The following NFKBIL1 variants were observed in gnomAD, a reference collection of about 807,000 sequenced individuals.
NFKBIL1 encodes the protein NF-kappa-B inhibitor-like protein 1.
A neutral mutation model predicts 45.4 loss-of-function variants in NFKBIL1; 30 were observed. The observed-to-expected ratio is 0.66, with a 90% confidence interval of 0.49 to 0.90. The LOEUF is 0.90. NFKBIL1 is among the 40% of genes least tolerant of loss of function. The pLI, the probability that NFKBIL1 is intolerant of heterozygous loss-of-function variation, is 0.00. For synonymous variants in NFKBIL1, 179 were observed against 197.3 expected (o/e 0.91, Z 0.78); for missense variants, 434 against 513.4 (o/e 0.85, Z 1.49).
chr6:31,549,054 G>A (rs1218337205), intron 2 of NFKBIL1, among the ~76,000 whole-genome samples: 1 of 152,122 alleles, frequency 6.6e-6, no homozygotes, highest in African/African-American at 2.4e-5. Context: ...TAGATAGAGT[G>A]TCCATGCTTT....
intron 2 of NFKBIL1, among the ~76,000 whole-genome samples, chr6:31,556,507 G>T (rs985335090): frequency 1.3e-5 from 2 of 152,220 alleles, no homozygotes; most frequent in African/African-American, 4.8e-5. Flanking sequence ...GGCCACAGCA[G>T]GTGGGCCTGG....
intron 2 of NFKBIL1, among the ~76,000 whole-genome samples, chr6:31,550,710 A>T (rs1318517500): frequency 6.6e-6 from 1 of 151,990 alleles, no homozygotes; most frequent in Non-Finnish European, 1.5e-5. Context: ...TTTTTTTGAG[A>T]TGGAGTTTCC....
chr6:31,553,550 T>C (rs66562149), intron 2 of NFKBIL1, among the ~76,000 whole-genome samples: 6,506 of 152,312 alleles, frequency 0.043, 247 homozygotes, highest in South Asian at 0.16. Context: ...TCTGTGATGA[T>C]TTTATTTCCT....
upstream of NFKBIL1, chr6:31,547,041 C>A (rs951730021): frequency 6.2e-6 from 1 of 162,460 alleles, no homozygotes; most frequent in Non-Finnish European, 1.3e-5. Flanking sequence ...AACTAACTCT[C>A]TACCTTTCTC....
Position 31,557,744 on chromosome 6 carries a change from G to A in NFKBIL1, c.451G>A (p.Ala151Thr), listed in dbSNP as rs1169661545. Residue 151 changes from alanine (A) to threonine (T), a missense_variant, in exon 3 of 4, where the codon GCT (alanine) becomes ACT (threonine). By Grantham distance (58) the Ala-to-Thr change is moderately conservative. Around this residue, in one of 4 missense-constraint regions of NFKBIL1, gnomAD observed 231 missense variants for 264.1 expected, o/e 0.87. Coordinates refer to ENST00000376148, the MANE Select transcript of NFKBIL1 (RefSeq NM_005007.4). The surrounding 1 kb of genome is among the most constrained non-coding windows in gnomAD (Gnocchi z 5.4). The part of the protein sequence containing the change: ...ILGWGPPWDS[A>T]EEEEEDDASK... ...GGGCTGGGGACCCCCCTGGGATTCT[G>A]CTGAAGAGGAGGAAGAAGATGATGC... 6.2e-7 allele frequency: 1 copy of A among 1,612,556 alleles called. No homozygotes were observed. Among genetic ancestry groups the A allele is most frequent in the Non-Finnish European group, 8.5e-7 (1 of 1,179,076 alleles).
At chr6:31,555,739 C>T (rs1411188080) in intron 2 of NFKBIL1, among the ~76,000 whole-genome samples, 1 of 149,148 alleles carries the variant, frequency 6.7e-6, no homozygotes, top group Non-Finnish European at 1.5e-5. Context: ...CTCAACCTCC[C>T]AAGTAGCTGG....
rs1475523141 is a variant in NFKBIL1 at position 31,558,647 on chromosome 6, C to T, written c.*36C>T. ...GAAGCAAGAAACTTCGGGGCTGCAG[C>T]CTCAGGATGAGGCAGAAGGAAGGGT... On this transcript the variant is annotated 3_prime_UTR_variant, in exon 4 of 4. Transcript: ENST00000376148. This position sits in a 1 kb window ranked among gnomAD's most constrained non-coding sequence, Gnocchi z 7.2. 11 of 1,499,472 alleles carry T rather than the reference C, an allele frequency of 7.3e-6. No homozygotes were observed. Among genetic ancestry groups the T allele is most frequent in the Non-Finnish European group, 6.3e-6 (7 of 1,109,186 alleles). The allele number at this position is 1,499,472 out of a possible 1,614,324, so 92.9% of individuals were successfully genotyped here. A position where few individuals can be genotyped will look rare whatever the true frequency, so the allele number is the denominator to read the frequency against.
In NFKBIL1 at chr6:31,548,164, C is replaced by T. The variant is rs764137612; in HGVS notation, c.59C>T (p.Pro20Leu). Residue 20 changes from proline to leucine, a missense_variant and splice_region_variant, in exon 2 of 4, where the codon CCC (proline) becomes CTC (leucine). By Grantham distance (98) the Pro-to-Leu change is moderately conservative. This residue lies in a region of NFKBIL1 where 231 missense variants were observed against 264.1 expected (regional missense o/e 0.87). Transcript: ENST00000376148. Reference sequence around the variant, plus strand: ...CTGCTGCCTTTTTTCCTTCCCCAGCCCAAGAGTTCCATGGCCTCCACTTCC... The same window carrying T: ...CTGCTGCCTTTTTTCCTTCCCCAGCTCAAGAGTTCCATGGCCTCCACTTCC... Reference protein sequence around the residue: ...EEEASTSVCRPKSSMASTSRR... With the variant: ...EEEASTSVCRLKSSMASTSRR... The T allele has an allele frequency of 8.1e-6, 13 of 1,613,156 alleles. No homozygotes were observed. Among genetic ancestry groups the T allele is most frequent in the Non-Finnish European group, 1.0e-5 (12 of 1,180,052 alleles).
chr6:31,557,728 A>AC lies in NFKBIL1; in HGVS notation c.441dup (p.Trp148LeufsTer5). The AC allele has an allele frequency of 6.2e-6, 10 of 1,609,390 alleles. No individual in the cohort carries two copies. Among genetic ancestry groups the AC allele is most frequent in the East Asian group, 2.2e-5 (1 of 44,726 alleles). Reference sequence around the variant, plus strand: ...CCCCTGGCCAAATTTTGGGCTGGGGACCCCCCTGGGATTCTGCTGAAGAGG... The same window carrying AC: ...CCCCTGGCCAAATTTTGGGCTGGGGACCCCCCCTGGGATTCTGCTGAAGAGG... On this transcript the variant is annotated frameshift_variant, in exon 3 of 4. Coordinates refer to ENST00000376148, the MANE Select transcript of NFKBIL1 (RefSeq NM_005007.4). LOFTEE classifies it high-confidence loss of function. This position sits in a 1 kb window ranked among gnomAD's most constrained non-coding sequence, Gnocchi z 5.4.
At chr6:31,551,791 A>G (rs1354642761) in intron 2 of NFKBIL1, among the ~76,000 whole-genome samples, 1 of 150,068 alleles carries the variant, frequency 6.7e-6, no homozygotes, top group East Asian at 1.9e-4. Flanking sequence ...TAATTTTTAA[A>G]TTTTTATTTG....
chr6:31,556,110 A>G (rs944001989), intron 2 of NFKBIL1, among the ~76,000 whole-genome samples: 2 of 151,856 alleles, frequency 1.3e-5, no homozygotes, highest in African/African-American at 2.4e-5. Flanking sequence ...AGCACTCACC[A>G]TGCTCACCAC....
chr6:31,548,070 A>C (rs759078360), intron 1 of NFKBIL1, 93 bp from the exon 2 acceptor site: 35 of 1,526,698 alleles, frequency 2.3e-5, no homozygotes, highest in Non-Finnish European at 3.0e-5. Flanking sequence ...AAAAGACGGA[A>C]CCAAAGGGAG....
chr6:31,549,182 T>C (rs142883439), intron 2 of NFKBIL1, among the ~76,000 whole-genome samples: 1 of 152,276 alleles, frequency 6.6e-6, no homozygotes, highest in African/African-American at 2.4e-5. Flanking sequence ...AGTACATAAT[T>C]AGAGTACCTG....
chr6:31,558,792 C>T lies in NFKBIL1; in HGVS notation c.*181C>T, dbSNP rs1416552384. 9 of 563,390 alleles carry T rather than the reference C, an allele frequency of 1.6e-5. No individual in the cohort carries two copies. In the East Asian group the frequency reaches 2.2e-4, roughly 14 times the overall value. 34.9% of individuals were successfully genotyped at this position (563,390 alleles called of 1,614,324 possible). A position where few individuals can be genotyped will look rare whatever the true frequency, so the allele number is the denominator to read the frequency against. ...GCGGGCCGCCACCACTGCTCCTTGA[C>T]TCTGCCGTTTCCTAATAAGACCTGG... On this transcript the variant is annotated 3_prime_UTR_variant, in exon 4 of 4. Coordinates refer to ENST00000376148, the MANE Select transcript of NFKBIL1 (RefSeq NM_005007.4). This position sits in a 1 kb window ranked among gnomAD's most constrained non-coding sequence, Gnocchi z 7.2.
chr6:31,548,255 G>A lies in NFKBIL1; in HGVS notation c.150G>A (p.Gln50=), dbSNP rs1288953744. The part of the protein sequence containing the change: ...YLSAGRLVRA[Q]ALLQRHPGLD... Reference sequence around the variant, plus strand: ...CTGCAGGACGGCTGGTCCGGGCCCAGGCCCTCCTCCAGCGACACCCAGGCC... The same window carrying A: ...CTGCAGGACGGCTGGTCCGGGCCCAAGCCCTCCTCCAGCGACACCCAGGCC... Residue 50 remains glutamine, a synonymous_variant, in exon 2 of 4, where the codon CAG becomes CAA. Coordinates refer to ENST00000376148, the MANE Select transcript of NFKBIL1 (RefSeq NM_005007.4). 14 of 1,612,942 alleles carry A rather than the reference G, an allele frequency of 8.7e-6. No homozygotes were observed. Among genetic ancestry groups the A allele is most frequent in the Non-Finnish European group, 1.1e-5 (13 of 1,180,044 alleles).
chr6:31,553,772 T>C (rs1304513535), intron 2 of NFKBIL1, among the ~76,000 whole-genome samples: 1 of 152,088 alleles, frequency 6.6e-6, no homozygotes, highest in Non-Finnish European at 1.5e-5. Context: ...CAAGCAGTTC[T>C]CTGCCTCAGC....
intron 2 of NFKBIL1, among the ~76,000 whole-genome samples, chr6:31,555,580 A>G (rs1769680934): frequency 7.3e-6 from 1 of 136,804 alleles, no homozygotes; most frequent in African/African-American, 2.7e-5. Context: ...TGTTTTAGAC[A>G]GTTATTATCT....
intron 2 of NFKBIL1, among the ~76,000 whole-genome samples, chr6:31,549,315 G>A (rs1007531991): frequency 1.3e-5 from 2 of 151,902 alleles, no homozygotes; most frequent in East Asian, 1.9e-4. Context: ...GCAATGGTGC[G>A]ATCCTGGCTC....
In NFKBIL1 at chr6:31,556,417, G is replaced by A. The variant is rs149108425; in HGVS notation, c.335-1211G>A. On this transcript the variant is annotated intron_variant, in intron 2 of 3. Coordinates refer to ENST00000376148, the MANE Select transcript of NFKBIL1 (RefSeq NM_005007.4). ...CTGCTAGCCCATTTCCTCTTACCCC[G>A]GGGAAAGAAAGTAGGTCCACAGGAA... Among the ~76,000 whole-genome samples the A allele has an allele frequency of 9.2e-4, 140 of 152,230 alleles. 1 individual carries two copies. The highest frequency in any genetic ancestry group is 3.1e-3 in the African/African-American group (127 of 41,524).
Sources: gnomAD v4.1 joint callset for allele counts (sites outside exome capture counted in the v4.1 genomes callset) on GRCh38, gnomAD v4.1.1 for gene constraint, gnomAD v4.1.1 regional missense constraint, Gnocchi (gnomAD v3.1) non-coding constraint, MANE v1.5 for transcripts, NCBI Gene and HGNC (gene_info 2026-07-23, HGNC 2026-07-21) for gene names.